HEXB: variants seen among roughly 807,000 people sequenced by gnomAD.
The protein encoded by HEXB is beta-hexosaminidase subunit beta.
HEXB carries 51 observed loss-of-function variants against 71.2 expected under a neutral mutation model. The ratio of observed to expected loss-of-function variants is 0.72; its 90% CI spans 0.57 to 0.90. The LOEUF is 0.90. Ranked by LOEUF, HEXB falls within the 40% of genes least tolerant of loss-of-function variation. The pLI is 0.00. For synonymous variants in HEXB, 266 were observed against 249.3 expected (o/e 1.07, Z -0.63); for missense variants, 617 against 677.0 (o/e 0.91, Z 0.98).
intron 1 of HEXB, among the ~76,000 whole-genome samples, chr5:74,677,826 C>A (rs3894712): frequency 0.15 from 22,781 of 151,862 alleles, 1,914 homozygotes; most frequent in East Asian, 0.27. Flanking sequence ...CACAATGTAC[C>A]TAATGTGTAG....
intron 1 of HEXB, among the ~76,000 whole-genome samples, chr5:74,645,522 C>G (rs1482763412): frequency 6.6e-5 from 10 of 152,184 alleles, no homozygotes. Flanking sequence ...TGTTGAGCTC[C>G]TCTATTAGGG....
chr5:74,685,733 C>T (rs1012582420), intron 1 of HEXB, among the ~76,000 whole-genome samples, 174 bp downstream of exon 1: 2 of 152,176 alleles, frequency 1.3e-5, no homozygotes, highest in African/African-American at 2.4e-5. Flanking sequence ...CCCCCACCCT[C>T]CTACTGCTTC....
chr5:74,640,723 G>A (rs1468838655), intron 1 of HEXB: 3 of 152,502 alleles, frequency 2.0e-5, no homozygotes, highest in Non-Finnish European at 4.4e-5. Flanking sequence ...TGCCAGAGCA[G>A]TCTGCGCCCC....
At chr5:74,711,420 C>A (rs1337964842) in intron 6 of HEXB, among the ~76,000 whole-genome samples, 8 of 151,480 alleles carry the variant, frequency 5.3e-5, no homozygotes, top group Admixed American at 1.3e-4. Context: ...GCAACAAAAG[C>A]CAAAATTGAC....
chr5:74,681,560 A>G (rs79760568), upstream of HEXB, among the ~76,000 whole-genome samples: 1,608 of 152,350 alleles, frequency 0.011, 24 homozygotes, highest in African/African-American at 0.036. Flanking sequence ...TTTCTAAAAA[A>G]TAAAATCTAA....
chr5:74,685,086 G>A (rs73117116), upstream of HEXB: 7,316 of 657,114 alleles, frequency 0.011, 421 homozygotes, highest in African/African-American at 0.13. Context: ...GACCTGGACA[G>A]GGCGGGCTGG....
At chr5:74,692,095 GT>G (rs1749015299) in intron 2 of HEXB, among the ~76,000 whole-genome samples, 1 of 152,136 alleles carries the variant, frequency 6.6e-6, no homozygotes, top group African/African-American at 2.4e-5. Flanking sequence ...ATATATTAAT[GT>G]TTTTTAGGTG....
At chr5:74,658,297 T>A (rs1748255995) in intron 1 of HEXB, among the ~76,000 whole-genome samples, 1 of 152,140 alleles carries the variant, frequency 6.6e-6, no homozygotes, top group South Asian at 2.1e-4. Flanking sequence ...TACTGAGCAC[T>A]CTCCCAGAAG....
At chr5:74,682,992 T>A (rs986881786), upstream of HEXB, among the ~76,000 whole-genome samples, 6 of 152,168 alleles carry the variant, frequency 3.9e-5, no homozygotes, top group African/African-American at 1.4e-4. Context: ...ATGTTTAGGT[T>A]TGATGCAGAG....
chr5:74,708,064 G>T (rs1337358444), intron 6 of HEXB, among the ~76,000 whole-genome samples: 13 of 150,490 alleles, frequency 8.6e-5, no homozygotes, highest in East Asian at 1.9e-4. Context: ...CCCACAAAGG[G>T]AAGCCCATCA....
At position 74,713,504 on chromosome 5, in the gene HEXB, AG is replaced by A. The variant is rs1373278959; in HGVS notation, c.773del. ...TAACTTGAATAAATATGGCTTTTAC[AG>A]GGAAGCTATTCTTTGTCTCATGTTT... On this transcript the variant is annotated splice_acceptor_variant, in intron 6 of 13. Transcript: ENST00000261416. LOFTEE classifies it high-confidence loss of function. 6.2e-7 allele frequency: 1 copy of A among 1,610,692 alleles called. No individual in the cohort carries two copies. Among genetic ancestry groups the A allele is most frequent in the Non-Finnish European group, 8.5e-7 (1 of 1,176,896 alleles).
chr5:74,683,930 C>T (rs948828945), upstream of HEXB, among the ~76,000 whole-genome samples: 2 of 151,758 alleles, frequency 1.3e-5, no homozygotes, highest in East Asian at 3.9e-4. Flanking sequence ...AAGCGATTCT[C>T]CTGCCTCAGG....
intron 1 of HEXB, among the ~76,000 whole-genome samples, chr5:74,654,502 G>T (rs576220506): frequency 4.6e-5 from 7 of 152,168 alleles, no homozygotes; most frequent in African/African-American, 1.7e-4. Context: ...TTGGAAGTGA[G>T]GTAAACCCTT....
intron 1 of HEXB, among the ~76,000 whole-genome samples, chr5:74,656,515 TAAAA>T: frequency 1.9e-4 from 2 of 10,294 alleles, no homozygotes; most frequent in African/African-American, 4.9e-4. Context: ...TAAAATAAAA[TAAAA>T]TAAAATAAAA....
At chr5:74,683,266 T>C (rs1002970776), upstream of HEXB, among the ~76,000 whole-genome samples, 3 of 151,912 alleles carry the variant, frequency 2.0e-5, no homozygotes, top group Non-Finnish European at 2.9e-5. Context: ...CTAGATTTTA[T>C]GACTGGCTTT....
intron 3 of HEXB, among the ~76,000 whole-genome samples, chr5:74,694,763 G>A (rs899961745): frequency 2.6e-5 from 4 of 151,900 alleles, no homozygotes; most frequent in Non-Finnish European, 5.9e-5. Context: ...TCAGGAGTTC[G>A]AGACCAGACT....
In HEXB at chr5:74,721,107, G is replaced by C; in HGVS notation, c.1614-11G>C. On this transcript the variant is annotated splice_polypyrimidine_tract_variant and intron_variant, in intron 13 of 13. Coordinates refer to ENST00000261416, the MANE Select transcript of HEXB (RefSeq NM_000521.4). ...ATCAATCTAAAATATCTTTATTCATGTTATCTACAGACGTGGAATAGCTGC... is the reference window on the plus strand; with the variant it reads ...ATCAATCTAAAATATCTTTATTCATCTTATCTACAGACGTGGAATAGCTGC... 1 of 1,595,200 alleles carries C rather than the reference G, an allele frequency of 6.3e-7. No individual in the cohort carries two copies. Among genetic ancestry groups the C allele is most frequent in the Non-Finnish European group, 8.6e-7 (1 of 1,163,062 alleles).
intron 1 of HEXB, among the ~76,000 whole-genome samples, chr5:74,666,660 C>A (rs820854): frequency 0.25 from 38,294 of 152,130 alleles, 5,069 homozygotes; most frequent in Non-Finnish European, 0.29. Context: ...CAGAGCTGGC[C>A]TTGGCAGCCA....
At chr5:74,676,378 C>G (rs1339362483) in intron 1 of HEXB, among the ~76,000 whole-genome samples, 2 of 152,128 alleles carry the variant, frequency 1.3e-5, no homozygotes, top group Admixed American at 6.5e-5. Context: ...TGGCCTCAAG[C>G]AATTAATCTT....
Sources: gnomAD v4.1 joint callset for allele counts (sites outside exome capture counted in the v4.1 genomes callset) on GRCh38, gnomAD v4.1.1 for gene constraint, MANE v1.5 for transcripts, NCBI Gene and HGNC (gene_info 2026-07-23, HGNC 2026-07-21) for gene names.